DLGAP1: variants seen among roughly 807,000 people sequenced by gnomAD.
DLGAP1 encodes DLG associated protein 1, also known as disks large-associated protein 1.
DLGAP1 carries 11 observed loss-of-function variants against 90.8 expected under a neutral mutation model. The ratio of observed to expected loss-of-function variants is 0.12; its 90% CI spans 0.08 to 0.20. DLGAP1 has a LOEUF of 0.20. DLGAP1 is among the 10% of genes least tolerant of loss of function. The pLI is 1.00. For synonymous variants in DLGAP1, 558 were observed against 540.7 expected (o/e 1.03, Z -0.44); for missense variants, 1,050 against 1,333.8 (o/e 0.79, Z 3.31).
At chr18:4,438,474 C>T (rs1042411687) in intron 1 of DLGAP1, among the ~76,000 whole-genome samples, 4 of 148,194 alleles carry the variant, frequency 2.7e-5, no homozygotes, top group African/African-American at 9.9e-5. Flanking sequence ...TCTCATATGC[C>T]CACATTTTTC....
At chr18:3,752,161 G>A (rs1055158178) in intron 5 of DLGAP1, among the ~76,000 whole-genome samples, 4 of 152,128 alleles carry the variant, frequency 2.6e-5, no homozygotes, top group African/African-American at 9.7e-5. Flanking sequence ...TGAGGTTACA[G>A]GTGTGAGCCA....
chr18:3,953,549 A>C (rs2073029113), intron 3 of DLGAP1, among the ~76,000 whole-genome samples: 1 of 140,962 alleles, frequency 7.1e-6, no homozygotes, highest in Admixed American at 7.4e-5. Flanking sequence ...ATTCCATCAT[A>C]TATATGTACA....
chr18:4,019,811 G>GCA (rs1491429297), intron 2 of DLGAP1, among the ~76,000 whole-genome samples: 6 of 141,158 alleles, frequency 4.3e-5, no homozygotes, highest in African/African-American at 1.4e-4. Context: ...GCGCGCGTGT[G>GCA]CGCGCACACA....
rs7245088 is a variant in DLGAP1 at position 4,012,371 on chromosome 18, C to G, written c.-158-7170G>C. Among the ~76,000 whole-genome samples the G allele has an allele frequency of 7.9e-5, 12 of 152,194 alleles. No individual in the cohort carries two copies. The East Asian group carries it at 2.1e-3, about 27-fold the overall frequency. ...CACCTTTGCCCACCTGCCATCCCCC[C>G]CTCTGCCACTTCCACACAAAGATTC... is the stretch of plus-strand genomic sequence containing the variant. On this transcript the variant is annotated intron_variant, in intron 2 of 12. Transcript: ENST00000315677.
intron 2 of DLGAP1, among the ~76,000 whole-genome samples, chr18:4,008,765 G>A (rs1285046725): frequency 6.6e-6 from 1 of 152,110 alleles, no homozygotes; most frequent in Non-Finnish European, 1.5e-5. Context: ...TTGCTTTTTT[G>A]TATTCGTTTT....
intron 2 of DLGAP1, among the ~76,000 whole-genome samples, chr18:4,133,418 G>A (rs1399975106): frequency 6.6e-6 from 1 of 152,158 alleles, no homozygotes; most frequent in Non-Finnish European, 1.5e-5. Context: ...TCCAGTCCCT[G>A]CTTAAAAGCC....
intron 2 of DLGAP1, among the ~76,000 whole-genome samples, chr18:4,143,387 G>A (rs1000195313): frequency 6.6e-6 from 1 of 151,176 alleles, no homozygotes; most frequent in African/African-American, 2.4e-5. Context: ...CTCTCTCCAT[G>A]GCCACCACTG....
chr18:3,810,596 TG>T (rs972920047), intron 5 of DLGAP1, among the ~76,000 whole-genome samples: 1 of 152,172 alleles, frequency 6.6e-6, no homozygotes, highest in African/African-American at 2.4e-5. Flanking sequence ...TTTTCTTTTT[TG>T]AGGAACTAGA....
intron 2 of DLGAP1, among the ~76,000 whole-genome samples, chr18:4,049,912 GTCCATCCATCCATCCA>G (rs57986910): frequency 0.023 from 3,468 of 148,802 alleles, 125 homozygotes; most frequent in African/African-American, 0.078. Flanking sequence ...CCATCCAACG[GTCCATCCATCCATCCA>G]TCCATCCATC....
chr18:3,515,988 A>T (rs2050822569), intron 10 of DLGAP1, among the ~76,000 whole-genome samples: 1 of 152,088 alleles, frequency 6.6e-6, no homozygotes, highest in Non-Finnish European at 1.5e-5. Context: ...TGATCATGAA[A>T]TTATAGCAAT....
intron 6 of DLGAP1, among the ~76,000 whole-genome samples, chr18:3,740,807 G>A (rs893757806): frequency 1.6e-4 from 21 of 132,682 alleles, no homozygotes; most frequent in African/African-American, 5.2e-4. Context: ...AACCACCACC[G>A]CCACCACTGT....
At chr18:3,604,026 TTA>T (rs2057204330) in intron 7 of DLGAP1, 1 of 154,360 alleles carries the variant, frequency 6.5e-6, no homozygotes, top group Admixed American at 6.5e-5. Flanking sequence ...GTATTTCCAT[TTA>T]TATAAGAAGC....
At chr18:3,999,010 GC>G (rs1405923920) in intron 3 of DLGAP1, among the ~76,000 whole-genome samples, 3 of 151,992 alleles carry the variant, frequency 2.0e-5, no homozygotes, top group Non-Finnish European at 2.9e-5. Context: ...ATTGAATTTT[GC>G]TTTGTAATAA....
At chr18:4,398,827 C>T (rs1402918630) in intron 1 of DLGAP1, among the ~76,000 whole-genome samples, 4 of 151,876 alleles carry the variant, frequency 2.6e-5, no homozygotes, top group Non-Finnish European at 5.9e-5. Context: ...TCAAGAGTGC[C>T]GTTTTTTTGT....
intron 1 of DLGAP1, among the ~76,000 whole-genome samples, chr18:4,328,171 T>C (rs1011602858): frequency 1.3e-5 from 2 of 152,046 alleles, no homozygotes; most frequent in Admixed American, 6.6e-5. Flanking sequence ...TACTCATCAC[T>C]GAGAACTCCC....
At chr18:4,005,481 A>T (rs574170833) in intron 2 of DLGAP1, among the ~76,000 whole-genome samples, 61 of 152,204 alleles carry the variant, frequency 4.0e-4, no homozygotes, top group African/African-American at 1.2e-3. Context: ...AGTTTTCCTA[A>T]TTTTTAAAAT....
intron 5 of DLGAP1, among the ~76,000 whole-genome samples, chr18:3,788,194 A>G (rs1420729266): frequency 6.6e-6 from 1 of 152,246 alleles, no homozygotes; most frequent in Non-Finnish European, 1.5e-5. Flanking sequence ...GTCTTTCTTC[A>G]TCTGAAACAT....
chr18:4,409,287 C>T (rs913830941), intron 1 of DLGAP1, among the ~76,000 whole-genome samples: 2 of 151,726 alleles, frequency 1.3e-5, no homozygotes, highest in Non-Finnish European at 2.9e-5. Flanking sequence ...TATTTATTTC[C>T]CTCTTTTGCA....
At chr18:4,305,384 A>C (rs568004444) in intron 1 of DLGAP1, among the ~76,000 whole-genome samples, 57 of 152,082 alleles carry the variant, frequency 3.7e-4, no homozygotes, top group Non-Finnish European at 1.9e-4. Context: ...AAAATACAAA[A>C]TTAGCTGGGT....
Sources: gnomAD v4.1 joint callset for allele counts (sites outside exome capture counted in the v4.1 genomes callset) on GRCh38, gnomAD v4.1.1 for gene constraint, MANE v1.5 for transcripts, NCBI Gene and HGNC (gene_info 2026-07-23, HGNC 2026-07-21) for gene names.